The following HMGA2 variants were observed in gnomAD, a reference collection of about 807,000 sequenced individuals.
HMGA2 encodes high mobility group AT-hook 2, also known as high mobility group protein HMGI-C.
A neutral mutation model predicts 19.1 loss-of-function variants in HMGA2; 8 were observed. The observed-to-expected ratio is 0.42, with a 90% CI of 0.25 to 0.76. HMGA2 has a LOEUF of 0.76. HMGA2 is among the 30% of genes least tolerant of loss of function. The pLI, the probability that HMGA2 is intolerant of heterozygous loss-of-function variation, is 0.28. For missense variants in HMGA2, 109 were observed against 136.3 expected, an observed-to-expected ratio of 0.80 and a Z score of 1.00; for synonymous variants, 60 against 48.8, an observed-to-expected ratio of 1.23 and a Z score of -0.96.
chr12:65,895,442 T>C (rs551996533), intron 3 of HMGA2, among the ~76,000 whole-genome samples: 2 of 152,304 alleles, frequency 1.3e-5, no homozygotes, highest in South Asian at 2.1e-4. Context: ...CCTTTGTACC[T>C]AAAGGTTCTG....
chr12:65,912,741 T>C (rs1383526144), intron 3 of HMGA2, among the ~76,000 whole-genome samples: 1 of 152,202 alleles, frequency 6.6e-6, no homozygotes, highest in Non-Finnish European at 1.5e-5. Context: ...TTTAACGTCA[T>C]GCCATAGCTC....
chr12:65,831,904 G>A (rs966846249), intron 2 of HMGA2, among the ~76,000 whole-genome samples: 6 of 152,012 alleles, frequency 3.9e-5, no homozygotes, highest in Non-Finnish European at 7.4e-5. Flanking sequence ...TTATTGGTGA[G>A]TTAAGGAAAG....
intron 3 of HMGA2, among the ~76,000 whole-genome samples, chr12:65,880,029 G>C (rs1039136904): frequency 1.3e-5 from 2 of 152,184 alleles, no homozygotes; most frequent in Non-Finnish European, 2.9e-5. Context: ...ATTTGAGAAG[G>C]ACTGTTTATT....
At chr12:65,930,268 G>T (rs1357469521) in intron 3 of HMGA2, among the ~76,000 whole-genome samples, 1 of 152,172 alleles carries the variant, frequency 6.6e-6, no homozygotes, top group Non-Finnish European at 1.5e-5. Context: ...GGACAGGCAA[G>T]CTCCATGAGC....
chr12:65,840,462 G>A (rs776382618), intron 3 of HMGA2, among the ~76,000 whole-genome samples: 11 of 152,148 alleles, frequency 7.2e-5, no homozygotes, highest in Non-Finnish European at 1.3e-4. Flanking sequence ...CTGGGAGTGC[G>A]TGCACTGGAT....
At chr12:65,924,288 T>C (rs534790081) in intron 3 of HMGA2, among the ~76,000 whole-genome samples, 7 of 152,344 alleles carry the variant, frequency 4.6e-5, no homozygotes, top group Admixed American at 2.0e-4. Context: ...ATTGTTCTTT[T>C]TGCTGTATCT....
intron 3 of HMGA2, among the ~76,000 whole-genome samples, chr12:65,923,278 G>C (rs909547950): frequency 6.6e-6 from 1 of 152,134 alleles, no homozygotes; most frequent in Non-Finnish European, 1.5e-5. Context: ...AGAAATAAAA[G>C]AACATGGTTC....
intron 3 of HMGA2, among the ~76,000 whole-genome samples, chr12:65,914,004 A>T (rs1409671146): frequency 2.6e-5 from 4 of 152,132 alleles, no homozygotes; most frequent in African/African-American, 7.2e-5. Context: ...AATGTTTTGG[A>T]GAGGATGTGG....
intron 3 of HMGA2, among the ~76,000 whole-genome samples, chr12:65,929,701 A>G (rs564778545): frequency 6.6e-6 from 1 of 152,278 alleles, no homozygotes; most frequent in East Asian, 1.9e-4. Flanking sequence ...CAAGCACAGG[A>G]AGCACCTTAC....
intron 3 of HMGA2, among the ~76,000 whole-genome samples, chr12:65,919,394 A>G (rs949296963): frequency 6.6e-6 from 1 of 152,244 alleles, no homozygotes; most frequent in Non-Finnish European, 1.5e-5. Flanking sequence ...AAAAAATGGT[A>G]GTAGTCCCAT....
chr12:65,913,158 C>CAACA (rs1429792204), intron 3 of HMGA2, among the ~76,000 whole-genome samples: 3 of 152,058 alleles, frequency 2.0e-5, no homozygotes, highest in Non-Finnish European at 4.4e-5. Context: ...GTTCTCCACA[C>CAACA]AACAGTTCTT....
intron 3 of HMGA2, among the ~76,000 whole-genome samples, chr12:65,918,753 T>G (rs920573603): frequency 6.6e-6 from 1 of 152,208 alleles, no homozygotes; most frequent in Non-Finnish European, 1.5e-5. Context: ...ATGTAACTTT[T>G]TAATGCTCTA....
chr12:65,857,295 G>C (rs1871792219), intron 3 of HMGA2: 1 of 152,144 alleles, frequency 6.6e-6, no homozygotes, highest in Non-Finnish European at 1.5e-5. Flanking sequence ...CTGGAAGCTA[G>C]CAAAAGCTTT....
chr12:65,852,302 G>C (rs1448913050), intron 3 of HMGA2, among the ~76,000 whole-genome samples: 1 of 152,104 alleles, frequency 6.6e-6, no homozygotes, highest in Non-Finnish European at 1.5e-5. Context: ...TTCGAGACCT[G>C]CCTGGCCAAC....
intron 3 of HMGA2, among the ~76,000 whole-genome samples, chr12:65,889,872 G>A (rs1873828826): frequency 6.6e-6 from 1 of 152,120 alleles, no homozygotes; most frequent in Non-Finnish European, 1.5e-5. Flanking sequence ...GAATTGTACT[G>A]TTTTGCTTCC....
intron 4 of HMGA2, 81 bp from the exon 5 acceptor site, chr12:65,963,163 AG>A (rs1876800868): frequency 7.8e-7 from 1 of 1,277,292 alleles, no homozygotes; most frequent in African/African-American, 1.5e-5. Context: ...CTGTGGAAAC[AG>A]GTTACCTCTG....
intron 3 of HMGA2, among the ~76,000 whole-genome samples, chr12:65,852,401 A>G (rs2583930): frequency 0.36 from 55,086 of 151,964 alleles, 16,717 homozygotes; most frequent in African/African-American, 0.83. Context: ...TACTCGGGAG[A>G]CTGAGGCCAA....
At chr12:65,952,352 T>C in intron 4 of HMGA2, 1 of 1,533,788 alleles carries the variant, frequency 6.5e-7, no homozygotes, top group East Asian at 2.4e-5. Flanking sequence ...TCCTGTTTTC[T>C]TAGGTCAATG....
chr12:65,924,750 A>T (rs1875445130), intron 3 of HMGA2, among the ~76,000 whole-genome samples: 1 of 152,162 alleles, frequency 6.6e-6, no homozygotes, highest in East Asian at 1.9e-4. Context: ...GTGAGCCGAG[A>T]TCCTGCCACT....
Sources: allele counts gnomAD v4.1 joint callset (sites outside exome capture counted in the v4.1 genomes callset), GRCh38; gene constraint gnomAD v4.1.1; transcripts MANE v1.5; gene names NCBI Gene and HGNC (gene_info 2026-07-23, HGNC 2026-07-21).